Variants in RIT2 observed in about 807,000 individuals in gnomAD.
The protein encoded by RIT2 is Ras like without CAAX 2.
RIT2 carries 24 observed loss-of-function variants against 23.7 expected under a neutral mutation model. The observed-to-expected ratio is 1.01, with a 90% CI of 0.73 to 1.43. The LOEUF (loss-of-function observed/expected upper bound fraction) is 1.43. RIT2 is among the 40% of genes most tolerant of loss of function. The pLI is 0.00. For synonymous variants in RIT2, 107 were observed against 91.1 expected (o/e 1.17, Z -0.99); for missense variants, 236 against 266.9 (o/e 0.88, Z 0.81).
At position 42,992,823 on chromosome 18, in the gene RIT2, G is replaced by A. The variant is rs1270777192; in HGVS notation, c.161-18676C>T. Among the ~76,000 whole-genome samples the A allele has an allele frequency of 7.9e-5, 12 of 152,164 alleles. No homozygotes were observed. In the South Asian group the frequency reaches 1.7e-3, roughly 21 times the overall value. ...AAAAACCCAGCCCAGTTCATGGCTC[G>A]TTTGGCAGCAACCCTGAGATGCTTT... On this transcript the variant is annotated intron_variant, in intron 2 of 4. Coordinates refer to ENST00000326695, the MANE Select transcript of RIT2 (RefSeq NM_002930.4).
intron 4 of RIT2, 28 bp downstream of exon 4, chr18:42,923,544 G>C: frequency 7.5e-6 from 12 of 1,600,386 alleles, no homozygotes; most frequent in East Asian, 2.2e-5. Flanking sequence ...GCAAAAGACA[G>C]AAGCTACCAG....
At chr18:42,904,984 G>C (rs558737505) in intron 4 of RIT2, among the ~76,000 whole-genome samples, 66 of 152,208 alleles carry the variant, frequency 4.3e-4, no homozygotes, top group African/African-American at 1.4e-3. Flanking sequence ...TTATCCCAGA[G>C]GATGTATACA....
intron 2 of RIT2, among the ~76,000 whole-genome samples, chr18:43,025,524 T>C (rs1911696342): frequency 6.6e-6 from 1 of 151,952 alleles, no homozygotes; most frequent in Admixed American, 6.6e-5. Flanking sequence ...TGACATGGAA[T>C]CAAACTAAGT....
At chr18:43,080,956 G>GA (rs1598775150) in intron 1 of RIT2, among the ~76,000 whole-genome samples, 1 of 152,148 alleles carries the variant, frequency 6.6e-6, no homozygotes, top group East Asian at 1.9e-4. Context: ...GGACAACAGG[G>GA]ATATACCAGG....
At chr18:42,752,887 G>A (rs1034202839) in intron 4 of RIT2, among the ~76,000 whole-genome samples, 1 of 152,084 alleles carries the variant, frequency 6.6e-6, no homozygotes, top group African/African-American at 2.4e-5. Context: ...ACACCTGGAG[G>A]CCTTAGAAAG....
intron 3 of RIT2, among the ~76,000 whole-genome samples, chr18:42,952,582 G>A (rs1474224870): frequency 1.3e-5 from 2 of 152,036 alleles, no homozygotes; most frequent in Non-Finnish European, 2.9e-5. Context: ...ATTTCTGGAG[G>A]TGATGAATAT....
chr18:42,920,565 A>G (rs1598715134), intron 4 of RIT2: 1 of 614,214 alleles, frequency 1.6e-6, no homozygotes, highest in East Asian at 2.8e-5. Flanking sequence ...ATTAAAGCTC[A>G]AGGAGGTGAA....
At chr18:42,776,721 C>T in intron 4 of RIT2, among the ~76,000 whole-genome samples, 1 of 152,092 alleles carries the variant, frequency 6.6e-6, no homozygotes, top group African/African-American at 2.4e-5. Context: ...AGCCTAAATT[C>T]AATTTAAGAA....
chr18:42,844,391 G>T (rs577305864), intron 4 of RIT2, among the ~76,000 whole-genome samples: 1 of 152,292 alleles, frequency 6.6e-6, no homozygotes, highest in South Asian at 2.1e-4. Context: ...CATCCAAGAA[G>T]AATGAGGTCA....
intron 4 of RIT2, among the ~76,000 whole-genome samples, chr18:42,856,236 G>A (rs771565280): frequency 2.6e-5 from 4 of 152,168 alleles, no homozygotes; most frequent in Non-Finnish European, 4.4e-5. Flanking sequence ...TTTGACTGTA[G>A]GTCATTAGAC....
intron 2 of RIT2, among the ~76,000 whole-genome samples, chr18:42,990,728 T>A (rs1910822389): frequency 6.6e-6 from 1 of 152,140 alleles, no homozygotes; most frequent in African/African-American, 2.4e-5. Context: ...TCTGCTCAGT[T>A]TTTTCAGTTG....
At chr18:42,953,907 T>C (rs937911952) in intron 3 of RIT2, among the ~76,000 whole-genome samples, 1 of 152,166 alleles carries the variant, frequency 6.6e-6, no homozygotes, top group Non-Finnish European at 1.5e-5. Context: ...CTCAGGCTTT[T>C]CTTATCTTCT....
intron 4 of RIT2, among the ~76,000 whole-genome samples, chr18:42,782,655 T>C (rs1489674064): frequency 6.6e-6 from 1 of 152,072 alleles, no homozygotes; most frequent in East Asian, 1.9e-4. Flanking sequence ...GTTCTAAAAA[T>C]ATTGTAAGAA....
chr18:42,859,958 A>G (rs532353109), intron 4 of RIT2, among the ~76,000 whole-genome samples: 1 of 151,476 alleles, frequency 6.6e-6, no homozygotes, highest in South Asian at 2.1e-4. Flanking sequence ...GAGCCCCTCT[A>G]CACATTTCAT....
intron 3 of RIT2, among the ~76,000 whole-genome samples, chr18:42,959,392 A>G (rs1265928800): frequency 6.6e-6 from 1 of 152,234 alleles, no homozygotes; most frequent in Non-Finnish European, 1.5e-5. Flanking sequence ...ATTACAGTAT[A>G]TATAATAAGT....
intron 4 of RIT2, among the ~76,000 whole-genome samples, chr18:42,777,710 A>AT (rs1913707178): frequency 6.6e-6 from 1 of 152,046 alleles, no homozygotes; most frequent in Admixed American, 6.6e-5. Context: ...CCACAGTCTT[A>AT]TTTTTTCTTT....
At chr18:43,050,783 G>T (rs1244738842) in intron 1 of RIT2, among the ~76,000 whole-genome samples, 1 of 152,100 alleles carries the variant, frequency 6.6e-6, no homozygotes, top group South Asian at 2.1e-4. Context: ...AAAGGACAGG[G>T]TTTGAGGAGC....
At chr18:42,805,533 A>G (rs1401965423) in intron 4 of RIT2, among the ~76,000 whole-genome samples, 1 of 152,212 alleles carries the variant, frequency 6.6e-6, no homozygotes, top group Non-Finnish European at 1.5e-5. Context: ...CATATATTAT[A>G]TTACATTTAA....
chr18:42,929,034 G>GATATATATATATATAT (rs770619793), intron 3 of RIT2, among the ~76,000 whole-genome samples: 3,645 of 96,516 alleles, frequency 0.038, 102 homozygotes, highest in East Asian at 0.069. Flanking sequence ...AAAATATGGA[G>GATATATATATATATAT]ATATATATAT....
Sources: gnomAD v4.1 joint callset for allele counts (sites outside exome capture counted in the v4.1 genomes callset) on GRCh38, gnomAD v4.1.1 for gene constraint, MANE v1.5 for transcripts, NCBI Gene and HGNC (gene_info 2026-07-23, HGNC 2026-07-21) for gene names.